DLG2: variants seen among roughly 807,000 people sequenced by gnomAD.
The protein encoded by DLG2 is discs large MAGUK scaffold protein 2.
DLG2 carries 45 observed loss-of-function variants against 132.5 expected under a neutral mutation model. That is an observed-to-expected ratio of 0.34 (90% CI 0.27 to 0.44). The LOEUF is 0.44. Among genes scored for constraint, DLG2 ranks in the 20% least tolerant of loss-of-function variants. The pLI, the probability that DLG2 is intolerant of heterozygous loss-of-function variation, is 1.00. For missense variants in DLG2, 1,045 were observed against 1,196.9 expected, an observed-to-expected ratio of 0.87 and a Z score of 1.87; for synonymous variants, 424 against 419.6, an observed-to-expected ratio of 1.01 and a Z score of -0.13.
At position 84,211,991 on chromosome 11, in the gene DLG2, T is replaced by A. The variant is rs141883801; in HGVS notation, c.573+39247A>T. Among the ~76,000 whole-genome samples, 396 of 152,328 alleles carry A rather than the reference T, an allele frequency of 2.6e-3. 1 individual carries two copies. Among genetic ancestry groups the A allele is most frequent in the African/African-American group, 9.1e-3 (377 of 41,568 alleles). ...GTGTGAGCTGGAAAGGCTCAGTGCA[T>A]TGCATATAAACAGTTATGCCAAGAC... On this transcript the variant is annotated intron_variant, in intron 8 of 27. Coordinates refer to ENST00000376104, the MANE Select transcript of DLG2 (RefSeq NM_001142699.3).
intron 6 of DLG2, among the ~76,000 whole-genome samples, chr11:85,096,409 C>G (rs973682830): frequency 6.6e-6 from 1 of 151,782 alleles, no homozygotes; most frequent in Non-Finnish European, 1.5e-5. Context: ...ACAAACAACT[C>G]CAGACGCGCC....
intron 3 of DLG2, among the ~76,000 whole-genome samples, chr11:85,377,803 A>ATATATATATATATATATATATATATATG (rs35141583): frequency 9.1e-5 from 12 of 131,286 alleles, no homozygotes; most frequent in Non-Finnish European, 1.5e-4. Flanking sequence ...ATATATATAT[A>ATATATATATATATATATATATATATATG]TGTGTGTGTG....
intron 10 of DLG2, among the ~76,000 whole-genome samples, chr11:84,096,920 T>G (rs1472627806): frequency 1.3e-5 from 2 of 151,706 alleles, no homozygotes; most frequent in African/African-American, 4.8e-5. Flanking sequence ...AAAATGTGAT[T>G]CTCTTCATCA....
At chr11:84,668,093 C>T (rs2099701790) in intron 6 of DLG2, among the ~76,000 whole-genome samples, 1 of 152,018 alleles carries the variant, frequency 6.6e-6, no homozygotes, top group Non-Finnish European at 1.5e-5. Flanking sequence ...TATGAAGTGC[C>T]AGATAAAGAT....
chr11:83,918,260 G>C (rs1026745605), intron 15 of DLG2, among the ~76,000 whole-genome samples: 1 of 152,160 alleles, frequency 6.6e-6, no homozygotes. Context: ...TGAGAACTCA[G>C]GAGAGACAAC....
intron 6 of DLG2, among the ~76,000 whole-genome samples, chr11:84,611,024 T>TATACACAC (rs71036432): frequency 7.2e-6 from 1 of 138,116 alleles, no homozygotes; most frequent in Non-Finnish European, 1.6e-5. Context: ...TTAGATGACA[T>TATACACAC]ACACACACAC....
chr11:84,979,482 A>G (rs2055412206), intron 6 of DLG2, among the ~76,000 whole-genome samples: 1 of 152,214 alleles, frequency 6.6e-6, no homozygotes, highest in South Asian at 2.1e-4. Flanking sequence ...CAGCCATAAA[A>G]AAGGATGAGT....
At chr11:83,908,434 TTC>T (rs369097045) in intron 15 of DLG2, among the ~76,000 whole-genome samples, 3 of 151,864 alleles carry the variant, frequency 2.0e-5, no homozygotes, top group Non-Finnish European at 2.9e-5. Context: ...CTGTCTTTTT[TTC>T]TCTCTCTCTC....
intron 3 of DLG2, among the ~76,000 whole-genome samples, chr11:85,586,821 T>C (rs896976446): frequency 1.3e-5 from 2 of 152,234 alleles, no homozygotes; most frequent in African/African-American, 4.8e-5. Context: ...GACTTTTTGA[T>C]GTAAGCATTT....
At chr11:85,147,770 G>C (rs1246663491) in intron 5 of DLG2, among the ~76,000 whole-genome samples, 1 of 152,074 alleles carries the variant, frequency 6.6e-6, no homozygotes, top group African/African-American at 2.4e-5. Flanking sequence ...TTATGTTCCA[G>C]GATACAGACG....
intron 4 of DLG2, among the ~76,000 whole-genome samples, chr11:85,159,901 T>A (rs1475664256): frequency 6.6e-6 from 1 of 152,190 alleles, no homozygotes; most frequent in Non-Finnish European, 1.5e-5. Flanking sequence ...GCCCATTACA[T>A]TGATGACATT....
At chr11:84,020,794 C>A (rs778469325) in intron 11 of DLG2, among the ~76,000 whole-genome samples, 17 of 152,134 alleles carry the variant, frequency 1.1e-4, no homozygotes, top group Non-Finnish European at 2.4e-4. Context: ...ATACAAAGCC[C>A]GTAAATTAGA....
At chr11:84,695,269 C>T (rs1481354472) in intron 6 of DLG2, among the ~76,000 whole-genome samples, 2 of 151,508 alleles carry the variant, frequency 1.3e-5, no homozygotes, top group Admixed American at 6.6e-5. Flanking sequence ...GTCCAAGATG[C>T]ACTGCTGGCA....
chr11:84,765,163 C>A (rs2068226239), intron 6 of DLG2, among the ~76,000 whole-genome samples: 1 of 151,974 alleles, frequency 6.6e-6, no homozygotes, highest in Non-Finnish European at 1.5e-5. Flanking sequence ...CAAACTTGAC[C>A]ACTAGGTTTT....
In DLG2 at chr11:84,781,159, C is replaced by T. The variant is rs181748465; in HGVS notation, c.358-246428G>A. On this transcript the variant is annotated intron_variant, in intron 6 of 27. Coordinates refer to ENST00000376104, the MANE Select transcript of DLG2 (RefSeq NM_001142699.3). ...GGATGGAGCACAGAATATAAAAATACAAAACAAGGTATCTTTTGAATGTAA... is the reference window on the plus strand; with the variant it reads ...GGATGGAGCACAGAATATAAAAATATAAAACAAGGTATCTTTTGAATGTAA... 1.5e-4 allele frequency among the ~76,000 whole-genome samples: 22 copies of T among 151,200 alleles called. No homozygotes were observed. The East Asian group carries it at 4.1e-3, about 28-fold the overall frequency.
intron 3 of DLG2, among the ~76,000 whole-genome samples, chr11:85,425,587 T>G (rs1442512180): frequency 2.0e-5 from 3 of 152,168 alleles, no homozygotes; most frequent in African/African-American, 4.8e-5. Flanking sequence ...ACCTGTACCC[T>G]TTGACCTAGT....
intron 11 of DLG2, among the ~76,000 whole-genome samples, chr11:84,011,766 C>T (rs1393974040): frequency 6.6e-5 from 10 of 152,048 alleles, no homozygotes; most frequent in Admixed American, 6.6e-4. Flanking sequence ...TTGGACCATG[C>T]TATGCTCTAT....
intron 7 of DLG2, among the ~76,000 whole-genome samples, chr11:84,489,629 C>T (rs181974437): frequency 4.6e-5 from 7 of 152,036 alleles, no homozygotes; most frequent in East Asian, 1.9e-4. Context: ...CAAAGCAAAA[C>T]GCTGGCTCCA....
intron 20 of DLG2, among the ~76,000 whole-genome samples, chr11:83,537,512 T>C (rs900550533): frequency 7.2e-5 from 11 of 152,084 alleles, no homozygotes; most frequent in Admixed American, 3.3e-4. Context: ...ATAATCTCTT[T>C]GGCTTAAGAG....
Sources: allele counts gnomAD v4.1 joint callset (sites outside exome capture counted in the v4.1 genomes callset), GRCh38; gene constraint gnomAD v4.1.1; transcripts MANE v1.5; gene names NCBI Gene and HGNC (gene_info 2026-07-23, HGNC 2026-07-21).